The following PRICKLE2 variants were observed in gnomAD, a reference collection of about 807,000 sequenced individuals.
PRICKLE2 encodes the protein prickle planar cell polarity protein 2.
A neutral mutation model predicts 81.4 loss-of-function variants in PRICKLE2; 21 were observed. The observed-to-expected ratio is 0.26, with a 90% CI of 0.18 to 0.37. PRICKLE2 has a LOEUF of 0.37. Ranked by LOEUF, PRICKLE2 falls within the 10% of genes least tolerant of loss-of-function variation. The pLI is 1.00. For synonymous variants in PRICKLE2, 456 were observed against 421.5 expected, an observed-to-expected ratio of 1.08 and a Z score of -1.00; for missense variants, 940 against 1,109.0, an observed-to-expected ratio of 0.85 and a Z score of 2.16.
chr3:64,097,909 A>C lies in PRICKLE2; in HGVS notation c.*1142T>G, dbSNP rs2076594146. On this transcript the variant is annotated 3_prime_UTR_variant, in exon 8 of 8. Coordinates refer to ENST00000638394, the MANE Select transcript of PRICKLE2 (RefSeq NM_198859.4). ...TTTCAAATAGCCTTGTTCCTTCTCC[A>C]GGCATGACATGTCACACACCGTCCC... is the stretch of plus-strand genomic sequence containing the variant. 1 of 152,684 alleles carries C rather than the reference A, an allele frequency of 6.5e-6. No individual in the cohort carries two copies. The highest frequency in any genetic ancestry group is 6.5e-5 in the Admixed American group (1 of 15,272). 9.5% of individuals were successfully genotyped at this position (152,684 alleles called of 1,614,324 possible). A position where few individuals can be genotyped will look rare whatever the true frequency, so the allele number is the denominator to read the frequency against.
chr3:64,150,308 T>C (rs552512830), intron 6 of PRICKLE2, among the ~76,000 whole-genome samples: 2 of 152,148 alleles, frequency 1.3e-5, no homozygotes, highest in East Asian at 1.9e-4. Context: ...CCTAGGCAAA[T>C]TGCTTCATTT....
intron 2 of PRICKLE2, among the ~76,000 whole-genome samples, chr3:64,176,735 A>C (rs1408504915): frequency 6.6e-6 from 1 of 152,222 alleles, no homozygotes; most frequent in Non-Finnish European, 1.5e-5. Context: ...AAAATATGAA[A>C]ATGAAGGAAC....
chr3:64,193,443 CA>C (rs2078385761), intron 2 of PRICKLE2, among the ~76,000 whole-genome samples: 1 of 152,082 alleles, frequency 6.6e-6, no homozygotes, highest in African/African-American at 2.4e-5. Flanking sequence ...TAGAACCTAC[CA>C]ATAGAAAACT....
rs868291245 is a variant in PRICKLE2 at position 64,099,634 on chromosome 3, C to A, written c.1952G>T (p.Gly651Val). The A allele has an allele frequency of 1.2e-6, 2 of 1,613,996 alleles. No homozygotes were observed. Among genetic ancestry groups the A allele is most frequent in the African/African-American group, 1.3e-5 (1 of 74,934 alleles). ...GCCCTCCTGCCCTGGCAGCTTGCTGCCCGCCATCCCTCCATCAAAATCAAA... is the reference window on the plus strand; with the variant it reads ...GCCCTCCTGCCCTGGCAGCTTGCTGACCGCCATCCCTCCATCAAAATCAAA... ...QSFDFDGGMA[G>V]SKLPGQEGVR... Residue 651 changes from glycine (G) to valine (V), a missense_variant, in exon 8 of 8, where the codon GGC becomes GTC. Around this residue, in one of 2 missense-constraint regions of PRICKLE2, gnomAD observed 670 missense variants for 717.2 expected, o/e 0.93. Transcript: ENST00000638394. The surrounding 1 kb of genome is among the most constrained non-coding windows in gnomAD (Gnocchi z 4.3).
chr3:64,109,006 G>A (rs531892254), intron 7 of PRICKLE2, among the ~76,000 whole-genome samples: 16 of 152,118 alleles, frequency 1.1e-4, no homozygotes, highest in East Asian at 3.9e-4. Context: ...GGGCAAAATC[G>A]CCCCCAACTG....
chr3:64,195,013 G>A (rs965609082), intron 2 of PRICKLE2, among the ~76,000 whole-genome samples: 5 of 152,062 alleles, frequency 3.3e-5, no homozygotes, highest in Non-Finnish European at 7.3e-5. Context: ...CTGCCCTCCA[G>A]CCTGGGTGGC....
chr3:64,141,446 ACACT>A (rs2077360633), intron 7 of PRICKLE2, among the ~76,000 whole-genome samples: 1 of 152,208 alleles, frequency 6.6e-6, no homozygotes, highest in Non-Finnish European at 1.5e-5. Flanking sequence ...GTCCATATAA[ACACT>A]CAATAATGTC....
intron 1 of PRICKLE2, among the ~76,000 whole-genome samples, chr3:64,219,414 T>A (rs2078917621): frequency 6.6e-6 from 1 of 152,216 alleles, no homozygotes; most frequent in South Asian, 2.1e-4. Context: ...CCCATCTCTC[T>A]GCCCACAGCC....
intron 7 of PRICKLE2, among the ~76,000 whole-genome samples, chr3:64,121,702 G>A (rs1166451448): frequency 6.6e-6 from 1 of 152,166 alleles, no homozygotes; most frequent in Non-Finnish European, 1.5e-5. Flanking sequence ...ATGGGGGAGG[G>A]TGTTTCTTGC....
chr3:64,262,678 G>C (rs2079634146), intron 2 of PRICKLE2, among the ~76,000 whole-genome samples: 1 of 152,210 alleles, frequency 6.6e-6, no homozygotes, highest in South Asian at 2.1e-4. Context: ...TGGGAGGTAG[G>C]AGGAAGATAA....
chr3:64,214,896 C>A (rs1430566630), intron 1 of PRICKLE2, among the ~76,000 whole-genome samples: 1 of 152,022 alleles, frequency 6.6e-6, no homozygotes, highest in Non-Finnish European at 1.5e-5. Flanking sequence ...CCTTGGTGCA[C>A]GGGATGAGTC....
intron 7 of PRICKLE2, among the ~76,000 whole-genome samples, chr3:64,108,211 C>G (rs977649147): frequency 6.6e-6 from 1 of 152,140 alleles, no homozygotes; most frequent in Non-Finnish European, 1.5e-5. Context: ...GGTTGTCAAC[C>G]TCTGGTTTAG....
chr3:64,103,293 C>T (rs1485622606), intron 7 of PRICKLE2, among the ~76,000 whole-genome samples: 2 of 152,132 alleles, frequency 1.3e-5, no homozygotes, highest in Non-Finnish European at 2.9e-5. Flanking sequence ...GCTTCCTTGC[C>T]TCCACACAGA....
At position 64,232,415 on chromosome 3, in the gene PRICKLE2, C is replaced by T. The variant is rs148942126; in HGVS notation, c.129-33448G>A. ...GGATTATTCCTGTAAGAATACCTCT[C>T]TGTTCATTTGCATTCCAACATACTC... On this transcript the variant is annotated intron_variant, in intron 2 of 8. Coordinates refer to the PRICKLE2 transcript ENST00000295902. Among the ~76,000 whole-genome samples the T allele has an allele frequency of 5.4e-4, 83 of 152,322 alleles. 1 individual carries two copies. The East Asian group carries it at 0.012, about 21-fold the overall frequency.
intron 7 of PRICKLE2, among the ~76,000 whole-genome samples, chr3:64,124,951 G>A (rs549673230): frequency 6.6e-6 from 1 of 152,274 alleles, no homozygotes; most frequent in Non-Finnish European, 1.5e-5. Context: ...TGCATCAATA[G>A]TGATTCCTCT....
intron 6 of PRICKLE2, among the ~76,000 whole-genome samples, chr3:64,150,758 G>A (rs2077532175): frequency 6.6e-6 from 1 of 152,170 alleles, no homozygotes; most frequent in South Asian, 2.1e-4. Flanking sequence ...CACATGCTCA[G>A]ATGCAGCAGC....
At position 64,251,124 on chromosome 3, in the gene PRICKLE2, C is replaced by G. The variant is rs192744847; in HGVS notation, c.129-52157G>C. Among the ~76,000 whole-genome samples, 112 of 152,252 alleles carry G rather than the reference C, an allele frequency of 7.4e-4. 1 individual carries two copies. The highest frequency in any genetic ancestry group is 2.9e-3 in the Admixed American group (44 of 15,306). ...ATAAAGATATTTTGATTAAATGAAT[C>G]AATCAATCAATCAATCCAACATGTG... On this transcript the variant is annotated intron_variant, in intron 2 of 8. Transcript: ENST00000295902.
At chr3:64,261,616 C>T (rs895767211) in intron 2 of PRICKLE2, among the ~76,000 whole-genome samples, 11 of 152,026 alleles carry the variant, frequency 7.2e-5, no homozygotes, top group Non-Finnish European at 1.5e-5. Context: ...GCTAAGATCT[C>T]AATGGTGAGA....
chr3:64,158,456 T>G lies in PRICKLE2; in HGVS notation c.397-1091A>C, dbSNP rs1449912245. ...ATATAACCCTCACATGAGTCATCAT[T>G]CATCCATTCTATAGATGACAAAACC... On this transcript the variant is annotated intron_variant, in intron 4 of 7. Coordinates refer to ENST00000638394, the MANE Select transcript of PRICKLE2 (RefSeq NM_198859.4). 2.6e-5 allele frequency among the ~76,000 whole-genome samples: 4 copies of G among 152,352 alleles called. No individual in the cohort carries two copies. The East Asian group carries it at 7.7e-4, about 29-fold the overall frequency.
Sources: gnomAD v4.1 joint callset for allele counts (sites outside exome capture counted in the v4.1 genomes callset) on GRCh38, gnomAD v4.1.1 for gene constraint, gnomAD v4.1.1 regional missense constraint, Gnocchi (gnomAD v3.1) non-coding constraint, MANE v1.5 for transcripts, NCBI Gene and HGNC (gene_info 2026-07-23, HGNC 2026-07-21) for gene names.